EPS15L1: variants seen among roughly 807,000 people sequenced by gnomAD.
EPS15L1 encodes the protein epidermal growth factor receptor substrate 15-like 1.
Under a neutral mutation model 117.1 loss-of-function variants are expected in EPS15L1, and 43 were observed. That is an observed-to-expected ratio of 0.37 (90% CI 0.29 to 0.47). The LOEUF is 0.47. Ranked by LOEUF, EPS15L1 falls within the 20% of genes least tolerant of loss-of-function variation. The pLI is 0.99. For missense variants in EPS15L1, 981 were observed against 1,164.0 expected (o/e 0.84, Z 2.29); for synonymous variants, 459 against 470.5 (o/e 0.98, Z 0.32).
intron 1 of EPS15L1, among the ~76,000 whole-genome samples, chr19:16,445,083 C>G (rs983369224): frequency 1.3e-5 from 2 of 151,838 alleles, no homozygotes; most frequent in Non-Finnish European, 2.9e-5. Flanking sequence ...TACTGTGATT[C>G]CAGTGGAAAA....
rs1161696752 is a variant in EPS15L1, at chr19:16,392,447, G to A, written c.1967-7C>T. 2 of 1,613,230 alleles carry A rather than the reference G, an allele frequency of 1.2e-6. No individual in the cohort carries two copies. The highest frequency in any genetic ancestry group is 1.1e-5 in the South Asian group (1 of 90,976). On this transcript the variant is annotated splice_region_variant and splice_polypyrimidine_tract_variant and intron_variant, in intron 18 of 23. Transcript: ENST00000455140. ...GGGTCCCCTCCAAATGGATCTAGAA[G>A]GAAAAATGCCCCATAAGTAAACATT...
chr19:16,438,897 C>A (rs150354249), intron 4 of EPS15L1, among the ~76,000 whole-genome samples: 20 of 151,986 alleles, frequency 1.3e-4, no homozygotes, highest in Non-Finnish European at 2.5e-4. Flanking sequence ...TCACCACGAT[C>A]CCCTCGGCCT....
chr19:16,402,144 C>T (rs984541875), intron 16 of EPS15L1, 177 bp downstream of exon 16: 1 of 1,370,518 alleles, frequency 7.3e-7, no homozygotes, highest in African/African-American at 1.5e-5. Flanking sequence ...GCATGGCCAC[C>T]TGTGCCAGGC....
At chr19:16,368,043 C>A (rs761285628) in intron 22 of EPS15L1, among the ~76,000 whole-genome samples, 5 of 151,908 alleles carry the variant, frequency 3.3e-5, no homozygotes, top group Non-Finnish European at 1.5e-5. Flanking sequence ...CAGTTCAGTT[C>A]AGTGCTGTAC....
intron 8 of EPS15L1, among the ~76,000 whole-genome samples, chr19:16,426,197 C>T (rs560999064): frequency 6.6e-6 from 1 of 152,234 alleles, no homozygotes; most frequent in South Asian, 2.1e-4. Flanking sequence ...CACGTTCCCC[C>T]AGGTGGGAGG....
chr19:16,401,257 C>T, intron 16 of EPS15L1: 1 of 985,512 alleles, frequency 1.0e-6, no homozygotes. Flanking sequence ...GCCTTCCCAG[C>T]AGCCCAGGGG....
At chr19:16,380,311 C>A (rs958248504) in intron 21 of EPS15L1, among the ~76,000 whole-genome samples, 1 of 152,224 alleles carries the variant, frequency 6.6e-6, no homozygotes, top group African/African-American at 2.4e-5. Flanking sequence ...ACCTAAGGCT[C>A]TGGCGTCTAA....
chr19:16,380,483 G>A (rs2092348902), intron 21 of EPS15L1, among the ~76,000 whole-genome samples: 1 of 152,056 alleles, frequency 6.6e-6, no homozygotes, highest in African/African-American at 2.4e-5. Context: ...CACAGACATG[G>A]CCCTCTAAGG....
intron 23 of EPS15L1, among the ~76,000 whole-genome samples, chr19:16,360,195 T>C (rs2092033430): frequency 6.6e-6 from 1 of 152,096 alleles, no homozygotes; most frequent in African/African-American, 2.4e-5. Flanking sequence ...TACCTAACTC[T>C]TCCCTACCCA....
rs973862818 is a variant in EPS15L1 at position 16,355,483 on chromosome 19, G to A, written c.*222C>T. On this transcript the variant is annotated 3_prime_UTR_variant, in exon 24 of 24. Transcript: ENST00000455140. ...GCCCCGGGGGGGATGGCACAGTGGAGAGACGGACCTGCAGAAGTGGTGGCC... is the reference window on the plus strand; with the variant it reads ...GCCCCGGGGGGGATGGCACAGTGGAAAGACGGACCTGCAGAAGTGGTGGCC... The A allele has an allele frequency of 1.1e-5, 6 of 554,562 alleles. No homozygotes were observed. The highest frequency in any genetic ancestry group is 2.9e-5 in the East Asian group (1 of 34,360). 34.4% of individuals were successfully genotyped at this position (554,562 alleles called of 1,614,324 possible).
chr19:16,441,171 C>T (rs551045783), intron 3 of EPS15L1: 2 of 517,392 alleles, frequency 3.9e-6, no homozygotes, highest in South Asian at 4.0e-5. Context: ...CTTCTTCCCC[C>T]AACTAAAGTC....
chr19:16,362,479 G>A (rs2092069542), intron 22 of EPS15L1, among the ~76,000 whole-genome samples: 1 of 145,006 alleles, frequency 6.9e-6, no homozygotes, highest in African/African-American at 2.5e-5. Flanking sequence ...ATAAGGGTCT[G>A]CACACAGCTC....
intron 18 of EPS15L1, among the ~76,000 whole-genome samples, chr19:16,392,930 T>C (rs1357091206): frequency 2.0e-5 from 3 of 151,594 alleles, no homozygotes; most frequent in African/African-American, 4.9e-5. Context: ...TAGTATCAGC[T>C]ACTAAGGAGG....
At chr19:16,367,627 T>C (rs1288652568) in intron 22 of EPS15L1, among the ~76,000 whole-genome samples, 2 of 150,694 alleles carry the variant, frequency 1.3e-5, no homozygotes, top group African/African-American at 2.4e-5. Context: ...GGATCGGGGC[T>C]GTGATGGGGC....
chr19:16,435,753 G>A (rs775729464), intron 6 of EPS15L1, among the ~76,000 whole-genome samples: 8 of 151,958 alleles, frequency 5.3e-5, no homozygotes, highest in African/African-American at 1.5e-4. Flanking sequence ...TTGGCACTTC[G>A]GGCTTGTTCT....
intron 12 of EPS15L1, among the ~76,000 whole-genome samples, chr19:16,415,283 C>T (rs1407313103): frequency 6.6e-6 from 1 of 152,126 alleles, no homozygotes; most frequent in Non-Finnish European, 1.5e-5. Flanking sequence ...TTGCAGCCTC[C>T]AGAACTGTGC....
At chr19:16,392,592 C>A in intron 18 of EPS15L1, 152 bp from the exon 19 acceptor site, 1 of 731,852 alleles carries the variant, frequency 1.4e-6, no homozygotes. Flanking sequence ...GCCAGGGGAC[C>A]CTGAGGAGAG....
At chr19:16,402,206 G>A (rs150233580) in intron 16 of EPS15L1, 115 bp downstream of exon 16, 170 of 1,472,752 alleles carry the variant, frequency 1.2e-4, no homozygotes, top group Middle Eastern at 4.2e-4. Context: ...ACAGACAGCC[G>A]CCTGCACTTG....
chr19:16,385,833 G>T (rs1433201021), intron 20 of EPS15L1, among the ~76,000 whole-genome samples: 1 of 152,200 alleles, frequency 6.6e-6, no homozygotes, highest in Non-Finnish European at 1.5e-5. Flanking sequence ...CCAGTACCTG[G>T]GGTCAAATTC....
Sources: allele counts gnomAD v4.1 joint callset (sites outside exome capture counted in the v4.1 genomes callset), GRCh38; gene constraint gnomAD v4.1.1; transcripts MANE v1.5; gene names NCBI Gene and HGNC (gene_info 2026-07-23, HGNC 2026-07-21).